HEXB: variants seen among roughly 807,000 people sequenced by gnomAD.
The protein encoded by HEXB is hexosaminidase subunit beta.
Under a neutral mutation model 71.2 loss-of-function variants are expected in HEXB, and 51 were observed. That is an observed-to-expected ratio of 0.72 (90% CI 0.57 to 0.90). The LOEUF (loss-of-function observed/expected upper bound fraction) is 0.90, where lower values mean the gene tolerates loss of function less well. Among genes scored for constraint, HEXB ranks in the 40% least tolerant of loss-of-function variants. The probability of loss-of-function intolerance (pLI) is 0.00; values close to 1 mark genes in which losing one functional copy is unlikely to be tolerated. For synonymous variants in HEXB, 266 were observed against 249.3 expected (o/e 1.07, Z -0.63); for missense variants, 617 against 677.0 (o/e 0.91, Z 0.98).
At chr5:74,680,175 G>A (rs1025027664) in intron 1 of HEXB, among the ~76,000 whole-genome samples, 2 of 152,178 alleles carry the variant, frequency 1.3e-5, no homozygotes, top group East Asian at 1.9e-4. Flanking sequence ...AGGATGACTC[G>A]CAAATCAGAA....
At chr5:74,658,512 G>T (rs879711572) in intron 1 of HEXB, among the ~76,000 whole-genome samples, 1 of 151,908 alleles carries the variant, frequency 6.6e-6, no homozygotes, top group Non-Finnish European at 1.5e-5. Flanking sequence ...GGGTCACATG[G>T]TATCAGTTGA....
At chr5:74,686,172 C>T (rs1347931757) in intron 1 of HEXB, among the ~76,000 whole-genome samples, 1 of 152,152 alleles carries the variant, frequency 6.6e-6, no homozygotes, top group Non-Finnish European at 1.5e-5. Flanking sequence ...TTCTCAACAC[C>T]GATCATGTTG....
intron 2 of HEXB, 74 bp downstream of exon 2, chr5:74,689,547 C>T: frequency 8.2e-7 from 1 of 1,226,714 alleles, no homozygotes; most frequent in Admixed American, 1.7e-5. Flanking sequence ...AAAACTGACT[C>T]CATGCTAGGA....
intron 1 of HEXB, among the ~76,000 whole-genome samples, chr5:74,655,002 C>T (rs566148639): frequency 2.0e-5 from 3 of 152,190 alleles, no homozygotes; most frequent in South Asian, 4.1e-4. Context: ...GTTTGACCTG[C>T]GGACGGATCT....
chr5:74,703,134 G>A (rs569936287), intron 5 of HEXB, among the ~76,000 whole-genome samples: 36 of 152,296 alleles, frequency 2.4e-4, no homozygotes, highest in Admixed American at 6.5e-4. Context: ...TCTATTTTTA[G>A]TAGAGATGGG....
At chr5:74,706,618 T>G (rs959069127) in intron 6 of HEXB, among the ~76,000 whole-genome samples, 1 of 152,146 alleles carries the variant, frequency 6.6e-6, no homozygotes, top group African/African-American at 2.4e-5. Flanking sequence ...CCGACGGGCT[T>G]AGGAAACGGC....
chr5:74,640,173 C>T (rs1328231334), exon 1 of HEXB: 1 of 152,206 alleles, frequency 6.6e-6, no homozygotes, highest in Non-Finnish European at 1.5e-5. Flanking sequence ...CCGAGAAGAG[C>T]TCCCCTTGCC....
Position 74,718,732 on chromosome 5 carries a change from A to G in HEXB, c.1243-65A>G, listed in dbSNP as rs188177538. 6.0e-6 allele frequency: 9 copies of G among 1,490,494 alleles called. No homozygotes were observed. The East Asian group carries it at 1.1e-4, about 19-fold the overall frequency. The allele number at this position is 1,490,494 out of a possible 1,614,324, so 92.3% of individuals were successfully genotyped here. ...ATTATGTTCCTAGTAATAATGCCTT[A>G]AACTTTCAATTTCATCTACTGTTCT... On this transcript the variant is annotated intron_variant, in intron 10 of 13. Coordinates refer to ENST00000261416, the MANE Select transcript of HEXB (RefSeq NM_000521.4).
chr5:74,720,893 A>AAGAT lies in HEXB; in HGVS notation c.1613+148_1613+151dup, dbSNP rs1232568450. The AAGAT allele has an allele frequency of 3.1e-5, 25 of 805,672 alleles. No individual in the cohort carries two copies. The Admixed American group carries it at 4.1e-4, about 13-fold the overall frequency. 49.9% of individuals were successfully genotyped at this position (805,672 alleles called of 1,614,324 possible). A position where few individuals can be genotyped will look rare whatever the true frequency, so the allele number is the denominator to read the frequency against. Reference sequence around the variant, plus strand: ...TTTTTTGTAAGTAATAATACCTGTAAAGATATATTCAGACTTGTGACTGTT... The same window carrying AAGAT: ...TTTTTTGTAAGTAATAATACCTGTAAAGATAGATATATTCAGACTTGTGACTGTT... On this transcript the variant is annotated intron_variant, in intron 13 of 13. Coordinates refer to ENST00000261416, the MANE Select transcript of HEXB (RefSeq NM_000521.4).
At chr5:74,675,750 C>CATTTTACAAAGATGACTTTGT (rs1748618929) in intron 1 of HEXB, among the ~76,000 whole-genome samples, 1 of 152,074 alleles carries the variant, frequency 6.6e-6, no homozygotes, top group African/African-American at 2.4e-5. Flanking sequence ...ACTGACTTTA[C>CATTTTACAAAGATGACTTTGT]ATTTTACAAA....
At position 74,693,619 on chromosome 5, in the gene HEXB, A is replaced by AT. The variant is rs761418302; in HGVS notation, c.446-16dup. 20 of 1,574,158 alleles carry AT rather than the reference A, an allele frequency of 1.3e-5. No individual in the cohort carries two copies. In the East Asian group the frequency reaches 3.1e-4, roughly 25 times the overall value. On this transcript the variant is annotated intron_variant, in intron 2 of 13. Coordinates refer to ENST00000261416, the MANE Select transcript of HEXB (RefSeq NM_000521.4). ...AGGGATTAACAAAAGTGTGTGTGTG[A>AT]TTTTAAATCCTCAATACAGATACTT...
At chr5:74,661,860 C>T (rs2112089679) in intron 1 of HEXB, among the ~76,000 whole-genome samples, 1 of 152,296 alleles carries the variant, frequency 6.6e-6, no homozygotes, top group East Asian at 1.9e-4. Context: ...TACATTTACT[C>T]CAAGATTTGA....
rs1346790471 is a variant in HEXB at position 74,652,737 on chromosome 5, C to T, written c.-377+12179C>T. 2.0e-5 allele frequency among the ~76,000 whole-genome samples: 3 copies of T among 152,056 alleles called. No homozygotes were observed. Among genetic ancestry groups the T allele is most frequent in the Non-Finnish European group, 4.4e-5 (3 of 68,034 alleles). On this transcript the variant is annotated intron_variant, in intron 1 of 13. Transcript: ENST00000511181. The surrounding 1 kb of genome is among the most constrained non-coding windows in gnomAD (Gnocchi z 5.4). ...CAGGGATAGAGGCTCATCTGGTCCT[C>T]CCACATCTGCCCACAGCACCAGCTC... is the stretch of plus-strand genomic sequence containing the variant.
chr5:74,672,590 C>G (rs903153856), intron 1 of HEXB, among the ~76,000 whole-genome samples: 5 of 152,226 alleles, frequency 3.3e-5, no homozygotes, highest in African/African-American at 1.2e-4. Flanking sequence ...AACTCCCCAC[C>G]TCTCTCTAGA....
chr5:74,676,400 T>A (rs1748630611), intron 1 of HEXB, among the ~76,000 whole-genome samples: 1 of 152,172 alleles, frequency 6.6e-6, no homozygotes, highest in South Asian at 2.1e-4. Flanking sequence ...CCACCTCAGC[T>A]TCTGGACTGA....
chr5:74,720,919 T>C (rs1396831452), intron 13 of HEXB, 172 bp downstream of exon 13: 8 of 767,158 alleles, frequency 1.0e-5, no homozygotes, highest in African/African-American at 1.8e-5. Context: ...TGTGACTGTT[T>C]TATAGATACA....
At chr5:74,649,453 C>A (rs570848419) in intron 1 of HEXB, among the ~76,000 whole-genome samples, 7 of 152,310 alleles carry the variant, frequency 4.6e-5, no homozygotes, top group African/African-American at 1.7e-4. Flanking sequence ...TTCCTTTAAT[C>A]CCCACAGCAA....
rs1286662992 is a variant in HEXB, at chr5:74,713,642, A to C, written c.901+7A>C. 6.2e-7 allele frequency: 1 copy of C among 1,609,400 alleles called. No homozygotes were observed. The highest frequency in any genetic ancestry group is 1.7e-5 in the Admixed American group (1 of 59,974). ...ACACTATCTTGGGGAAAAGGTAAGG[A>C]GTTGTATTTTATTTCATTTTATCTT... is the stretch of plus-strand genomic sequence containing the variant. On this transcript the variant is annotated splice_region_variant and intron_variant, in intron 7 of 13. Coordinates refer to ENST00000261416, the MANE Select transcript of HEXB (RefSeq NM_000521.4).
upstream of HEXB, among the ~76,000 whole-genome samples, chr5:74,684,680 T>TC (rs1561213360): frequency 6.8e-5 from 10 of 146,568 alleles, no homozygotes; most frequent in African/African-American, 2.5e-4. Context: ...TTTTCTTTTT[T>TC]TTTTTTTTTT....
Sources: gnomAD v4.1 joint callset for allele counts (sites outside exome capture counted in the v4.1 genomes callset) on GRCh38, gnomAD v4.1.1 for gene constraint, Gnocchi (gnomAD v3.1) non-coding constraint, MANE v1.5 for transcripts, NCBI Gene and HGNC (gene_info 2026-07-23, HGNC 2026-07-21) for gene names.